GRIA1: variants seen among roughly 807,000 people sequenced by gnomAD.
GRIA1 encodes the protein glutamate receptor 1.
GRIA1 carries 31 observed loss-of-function variants against 99.2 expected under a neutral mutation model. The ratio of observed to expected loss-of-function variants is 0.31; its 90% confidence interval spans 0.23 to 0.42. The LOEUF (loss-of-function observed/expected upper bound fraction) is 0.42, where lower values mean the gene tolerates loss of function less well. GRIA1 is among the 10% of genes least tolerant of loss of function. The pLI, the probability that GRIA1 is intolerant of heterozygous loss-of-function variation, is 1.00. For synonymous variants in GRIA1, 438 were observed against 432.4 expected (o/e 1.01, Z -0.16); for missense variants, 782 against 1,157.5 (o/e 0.68, Z 4.71).
intron 2 of GRIA1, among the ~76,000 whole-genome samples, chr5:153,594,716 C>G (rs1581288154): frequency 6.6e-6 from 1 of 151,996 alleles, no homozygotes; most frequent in African/African-American, 2.4e-5. Context: ...AGGAAGATGG[C>G]CAGTAAGTGT....
At chr5:153,572,823 T>G (rs1762231660) in intron 2 of GRIA1, among the ~76,000 whole-genome samples, 1 of 152,158 alleles carries the variant, frequency 6.6e-6, no homozygotes, top group African/African-American at 2.4e-5. Context: ...CAGAGCACAT[T>G]TTGTGCATAC....
chr5:153,795,457 A>T, intron 14 of GRIA1: 1 of 1,308,680 alleles, frequency 7.6e-7, no homozygotes, highest in Non-Finnish European at 1.1e-6. Context: ...TATTTATGTT[A>T]TTTCCCCCCT....
intron 2 of GRIA1, among the ~76,000 whole-genome samples, chr5:153,626,068 TCCCTGGGAAAGTCTTTTCAG>T (rs1767574355): frequency 6.6e-6 from 1 of 152,192 alleles, no homozygotes; most frequent in African/African-American, 2.4e-5. Flanking sequence ...GAGCTTTGTG[TCCCTGGGAAAGTCTTTTCAG>T]CCTCTGACCT....
intron 11 of GRIA1, among the ~76,000 whole-genome samples, chr5:153,715,832 A>G (rs1759629841): frequency 6.6e-6 from 1 of 152,186 alleles, no homozygotes; most frequent in Admixed American, 6.5e-5. Flanking sequence ...TGTTTGTTGA[A>G]TGTCCATCTT....
rs182546001 is a variant in GRIA1, at chr5:153,490,672, T to C, written c.-217T>C. The stretch of plus-strand genomic sequence containing the variant: ...GACGGGCTTCTTTTCCCGTGCTCAG[T>C]TAATCTGGCTGTCAGTTGGTGTTAA... On this transcript the variant is annotated 5_prime_UTR_variant, in exon 1 of 16. Transcript: ENST00000285900. 34 of 609,702 alleles carry C rather than the reference T, an allele frequency of 5.6e-5. No homozygotes were observed. In the East Asian group the frequency reaches 8.9e-4, roughly 16 times the overall value. 37.8% of individuals were successfully genotyped at this position (609,702 alleles called of 1,614,324 possible).
intron 10 of GRIA1, among the ~76,000 whole-genome samples, chr5:153,705,082 CCT>C (rs1412787970): frequency 6.6e-6 from 1 of 152,160 alleles, no homozygotes; most frequent in Non-Finnish European, 1.5e-5. Flanking sequence ...TTCTTGGATT[CCT>C]CTGTGTCAAT....
Position 153,790,174 on chromosome 5 carries a change from G to A in GRIA1, c.2271-4447G>A, listed in dbSNP as rs77401515. ...CTGAAGCCACAGGAGGCAGGTAGGAGGCTAATGCATTTGGAAGAAGTTTAT... is the reference window on the plus strand; with the variant it reads ...CTGAAGCCACAGGAGGCAGGTAGGAAGCTAATGCATTTGGAAGAAGTTTAT... On this transcript the variant is annotated intron_variant, in intron 13 of 15. Transcript: ENST00000285900. Among the ~76,000 whole-genome samples, 375 of 152,246 alleles carry A rather than the reference G, an allele frequency of 2.5e-3. 10 individuals are homozygous for A. In the East Asian group the frequency reaches 0.059, roughly 24 times the overall value.
intron 4 of GRIA1, among the ~76,000 whole-genome samples, chr5:153,653,524 A>G (rs978100336): frequency 2.0e-5 from 3 of 152,226 alleles, no homozygotes; most frequent in Non-Finnish European, 2.9e-5. Context: ...TACTTTATCA[A>G]TATATGATGC....
At chr5:153,664,941 G>C (rs1755637141) in intron 5 of GRIA1, among the ~76,000 whole-genome samples, 2 of 152,174 alleles carry the variant, frequency 1.3e-5, no homozygotes, top group Non-Finnish European at 2.9e-5. Flanking sequence ...TAGATAGGAA[G>C]GTTTTGATCA....
Position 153,647,001 on chromosome 5 carries a change from C to G in GRIA1, c.294C>G (p.Thr98=). The change falls in exon 3 of 16, where the codon ACC becomes ACG. Residue 98 remains threonine (T), a synonymous_variant. Coordinates refer to ENST00000285900, the MANE Select transcript of GRIA1 (RefSeq NM_000827.4). ...FYERRTVNML[T]SFCGALHVCF... is the part of the protein sequence containing the mutation. ...AACGTAGGACTGTCAACATGCTGAC[C>G]TCCTTTTGTGGGGCCCTCCACGTCT... is the stretch of plus-strand genomic sequence containing the variant. The G allele has an allele frequency of 4.3e-6, 7 of 1,613,974 alleles. No homozygotes were observed. The highest frequency in any genetic ancestry group is 5.9e-6 in the Non-Finnish European group (7 of 1,179,894).
At chr5:153,500,274 G>GTTCA (rs150813341) in intron 2 of GRIA1, among the ~76,000 whole-genome samples, 11,290 of 152,094 alleles carry the variant, frequency 0.074, 533 homozygotes, top group South Asian at 0.13. Context: ...TCATGTATTT[G>GTTCA]TTCATTCATT....
At chr5:153,777,440 G>A (rs1764328449) in intron 13 of GRIA1, among the ~76,000 whole-genome samples, 1 of 152,072 alleles carries the variant, frequency 6.6e-6, no homozygotes, top group Admixed American at 6.6e-5. Context: ...TAAGTCACTA[G>A]AACTTCATAA....
intron 12 of GRIA1, 116 bp downstream of exon 12, chr5:153,764,748 G>A (rs192798867): frequency 3.4e-4 from 239 of 712,506 alleles, no homozygotes; most frequent in Admixed American, 6.5e-4. Flanking sequence ...GTGCTTAACT[G>A]ACTGTAAGTC....
At chr5:153,507,910 C>G (rs544117494) in intron 2 of GRIA1, among the ~76,000 whole-genome samples, 38 of 152,302 alleles carry the variant, frequency 2.5e-4, no homozygotes, top group Middle Eastern at 3.4e-3. Context: ...CACAAACATG[C>G]CTCTCAGTCT....
chr5:153,661,320 G>A (rs900581498), intron 5 of GRIA1, among the ~76,000 whole-genome samples: 3 of 152,160 alleles, frequency 2.0e-5, no homozygotes, highest in African/African-American at 7.2e-5. Context: ...TATTAGCTAT[G>A]TAACATTAGT....
chr5:153,802,893 C>T (rs1200745722), intron 15 of GRIA1, among the ~76,000 whole-genome samples: 1 of 152,110 alleles, frequency 6.6e-6, no homozygotes, highest in Non-Finnish European at 1.5e-5. Flanking sequence ...CCTTGTCATA[C>T]CTGGTGAATT....
At chr5:153,506,888 C>T (rs1390495935) in intron 2 of GRIA1, among the ~76,000 whole-genome samples, 5 of 151,942 alleles carry the variant, frequency 3.3e-5, no homozygotes, top group African/African-American at 7.3e-5. Context: ...TTTGGGAGGC[C>T]AAGGCGGGCA....
chr5:153,580,906 T>G (rs1762991092), intron 2 of GRIA1, among the ~76,000 whole-genome samples: 2 of 152,224 alleles, frequency 1.3e-5, no homozygotes, highest in African/African-American at 4.8e-5. Flanking sequence ...ATGTTGCACG[T>G]GTCAACATTC....
intron 2 of GRIA1, among the ~76,000 whole-genome samples, chr5:153,508,007 C>T (rs17114681): frequency 0.38 from 57,307 of 151,980 alleles, 11,526 homozygotes; most frequent in East Asian, 0.71. Context: ...CTGGAGATAC[C>T]GCAGAAAACA....
Sources: allele counts gnomAD v4.1 joint callset (sites outside exome capture counted in the v4.1 genomes callset), GRCh38; gene constraint gnomAD v4.1.1; transcripts MANE v1.5; gene names NCBI Gene and HGNC (gene_info 2026-07-23, HGNC 2026-07-21).